Variants in TESMIN observed in about 807,000 individuals in gnomAD.
TESMIN encodes the protein testis expressed metallothionein like protein.
A neutral mutation model predicts 47.4 loss-of-function variants in TESMIN; 34 were observed. That is an observed-to-expected ratio of 0.72 (90% CI 0.55 to 0.96). TESMIN has a LOEUF of 0.96. Ranked by LOEUF, TESMIN falls within the 40% of genes least tolerant of loss-of-function variation. The probability of loss-of-function intolerance (pLI) is 0.00; values close to 1 mark genes in which losing one functional copy is unlikely to be tolerated. For synonymous variants in TESMIN, 278 were observed against 258.9 expected (o/e 1.07, Z -0.71); for missense variants, 610 against 637.2 (o/e 0.96, Z 0.46).
At position 68,715,918 on chromosome 11, in the gene TESMIN, A is replaced by T; in HGVS notation, c.939T>A (p.Ser313Arg). 6.2e-7 allele frequency: 1 copy of T among 1,612,506 alleles called. No individual in the cohort carries two copies. Among genetic ancestry groups the T allele is most frequent in the Non-Finnish European group, 8.5e-7 (1 of 1,178,578 alleles). ...TLAGYCDCFA[S>R]GDFCNNCNCN... ...AATTGCAGTTGTTGCAAAAGTCCCC[A>T]CTGGCAAAGCAGTCACAGTACCTGT... The change falls in exon 7 of 10, where the codon AGT (serine) becomes AGA (arginine). Residue 313 changes from serine to arginine, a missense_variant. Ser to Arg is a moderately radical substitution (Grantham distance 110). Coordinates refer to ENST00000255087, the MANE Select transcript of TESMIN (RefSeq NM_004923.3).
chr11:68,708,441 G>A lies in TESMIN; in HGVS notation c.1394C>T (p.Ala465Val), dbSNP rs1946022486. Residue 465 changes from alanine to valine, a missense_variant, in exon 10 of 10, where the codon GCT becomes GTT. Ala to Val is a moderately conservative substitution (Grantham distance 64). Transcript: ENST00000255087. ...VVEATCACLLAQGEEAEKEHC... is the reference protein window; with the variant it reads ...VVEATCACLLVQGEEAEKEHC... Reference sequence around the variant, plus strand: ...TTCTTTCTCGGCCTCTTCTCCCTGAGCAAGCAGGCAGGCGCATGTGGCCTC... The same window carrying A: ...TTCTTTCTCGGCCTCTTCTCCCTGAACAAGCAGGCAGGCGCATGTGGCCTC... The A allele has an allele frequency of 3.1e-6, 5 of 1,614,132 alleles. No individual in the cohort carries two copies. The highest frequency in any genetic ancestry group is 2.2e-5 in the East Asian group (1 of 44,884).
chr11:68,721,890 G>T (rs1422582609), intron 6 of TESMIN, among the ~76,000 whole-genome samples: 1 of 152,192 alleles, frequency 6.6e-6, no homozygotes, highest in Non-Finnish European at 1.5e-5. Context: ...CCTAGTGGGG[G>T]TATAAAATGG....
chr11:68,730,381 T>A (rs1393001540), intron 6 of TESMIN, among the ~76,000 whole-genome samples: 1 of 152,246 alleles, frequency 6.6e-6, no homozygotes, highest in Non-Finnish European at 1.5e-5. Context: ...TTACGTTAAA[T>A]TTTTAAGTTG....
chr11:68,714,875 T>A (rs1454265384), intron 7 of TESMIN, among the ~76,000 whole-genome samples: 1 of 152,230 alleles, frequency 6.6e-6, no homozygotes, highest in Non-Finnish European at 1.5e-5. Flanking sequence ...TATATGCCTA[T>A]CAGCAATGTA....
At position 68,708,249 on chromosome 11, in the gene TESMIN, T is replaced by G; in HGVS notation, c.*59A>C. The G allele has an allele frequency of 6.7e-7, 1 of 1,487,794 alleles. No individual in the cohort carries two copies. Among genetic ancestry groups the G allele is most frequent in the Non-Finnish European group, 9.1e-7 (1 of 1,101,198 alleles). 92.2% of individuals were successfully genotyped at this position (1,487,794 alleles called of 1,614,324 possible). Reference sequence around the variant, plus strand: ...CAGCCTCATGTTCCCCTAAACATCCTTTCTAAACTAGAGATTTCTAGACTA... The same window carrying G: ...CAGCCTCATGTTCCCCTAAACATCCGTTCTAAACTAGAGATTTCTAGACTA... On this transcript the variant is annotated 3_prime_UTR_variant, in exon 10 of 10. Coordinates refer to ENST00000255087, the MANE Select transcript of TESMIN (RefSeq NM_004923.3).
downstream of TESMIN, among the ~76,000 whole-genome samples, chr11:68,705,911 T>C (rs1227212417): frequency 6.7e-6 from 1 of 150,072 alleles, no homozygotes; most frequent in Non-Finnish European, 1.5e-5. Context: ...TAATCTCAGC[T>C]ACTCAGGAGG....
intron 7 of TESMIN, among the ~76,000 whole-genome samples, chr11:68,714,868 A>G (rs1946117701): frequency 6.6e-6 from 1 of 152,194 alleles, no homozygotes; most frequent in Non-Finnish European, 1.5e-5. Context: ...GCCCCTTTAT[A>G]TGCCTATCAG....
At chr11:68,727,797 C>A (rs1946282429) in intron 6 of TESMIN, among the ~76,000 whole-genome samples, 1 of 152,182 alleles carries the variant, frequency 6.6e-6, no homozygotes, top group Non-Finnish European at 1.5e-5. Context: ...ATGTTTCAAA[C>A]CTTTTCATTA....
intron 9 of TESMIN, 24 bp downstream of exon 9, chr11:68,710,849 GC>G: frequency 6.3e-7 from 1 of 1,580,798 alleles, no homozygotes; most frequent in Non-Finnish European, 8.6e-7. Context: ...CCCTCTATTA[GC>G]AGAGGTTAGT....
intron 3 of TESMIN, among the ~76,000 whole-genome samples, chr11:68,746,612 T>A (rs988061949): frequency 6.6e-6 from 1 of 152,172 alleles, no homozygotes; most frequent in African/African-American, 2.4e-5. Context: ...CCATTCCTAG[T>A]CCTTGCCACG....
downstream of TESMIN, among the ~76,000 whole-genome samples, chr11:68,706,935 C>T (rs1257687766): frequency 6.6e-6 from 1 of 152,192 alleles, no homozygotes; most frequent in Non-Finnish European, 1.5e-5. Flanking sequence ...CACCTTCCAG[C>T]TCCCAAGGGT....
At chr11:68,711,868 G>A (rs1946077157) in intron 8 of TESMIN, among the ~76,000 whole-genome samples, 1 of 152,222 alleles carries the variant, frequency 6.6e-6, no homozygotes, top group South Asian at 2.1e-4. Context: ...TCTGTACCCA[G>A]CAAGCCCCCT....
Position 68,707,496 on chromosome 11 carries a change from A to C in TESMIN, c.*812T>G, listed in dbSNP as rs1946010180. On this transcript the variant is annotated 3_prime_UTR_variant, in exon 10 of 10. Transcript: ENST00000255087. The stretch of plus-strand genomic sequence containing the variant: ...GCTTTACAACAGAACCAAAAGCGTC[A>C]ACTTAAGAATTCATTTTACCTGCTG... The C allele has an allele frequency of 5.5e-6, 1 of 182,378 alleles. No homozygotes were observed. The highest frequency in any genetic ancestry group is 1.2e-4 in the South Asian group (1 of 8,204). 11.3% of individuals were successfully genotyped at this position (182,378 alleles called of 1,614,324 possible). A position where few individuals can be genotyped will look rare whatever the true frequency, so the allele number is the denominator to read the frequency against.
chr11:68,738,517 CCA>C, intron 6 of TESMIN, 181 bp downstream of exon 6: 2 of 1,386,322 alleles, frequency 1.4e-6, no homozygotes, highest in African/African-American at 2.9e-5. Context: ...CTTTGCAGCC[CCA>C]GTGAAACCAG....
intron 6 of TESMIN, among the ~76,000 whole-genome samples, chr11:68,723,650 T>C (rs1009080559): frequency 6.6e-6 from 1 of 151,786 alleles, no homozygotes; most frequent in African/African-American, 2.4e-5. Context: ...GCTGACAAAA[T>C]AGACAACCTC....
Position 68,750,322 on chromosome 11 carries a change from C to T in TESMIN, c.339G>A (p.Gln113=), listed in dbSNP as rs1946576198. ...LSALEDVALL[Q]APQPPACNVH... is the part of the protein sequence containing the mutation. ...CGTTGCAGGCGGGCGGCTGCGGGGC[C>T]TGCAGGAGCGCGACGTCCTCCAGCG... Residue 113 remains glutamine (Q), a synonymous_variant, in exon 2 of 10, where the codon CAG becomes CAA. Coordinates refer to ENST00000255087, the MANE Select transcript of TESMIN (RefSeq NM_004923.3). 6.6e-7 allele frequency: 1 copy of T among 1,512,852 alleles called. No individual in the cohort carries two copies. The highest frequency in any genetic ancestry group is 2.4e-5 in the East Asian group (1 of 41,094). 93.7% of individuals were successfully genotyped at this position (1,512,852 alleles called of 1,614,324 possible).
At chr11:68,750,801 G>T in intron 1 of TESMIN, 102 bp from the exon 2 acceptor site, 1 of 105,558 alleles carries the variant, frequency 9.5e-6, no homozygotes, top group Non-Finnish European at 1.7e-5. Flanking sequence ...GGGAGGGGCG[G>T]CCAGGGGAGG....
At chr11:68,715,344 T>C (rs1404369655) in intron 7 of TESMIN, among the ~76,000 whole-genome samples, 2 of 152,210 alleles carry the variant, frequency 1.3e-5, no homozygotes, top group African/African-American at 2.4e-5. Context: ...ACCTTTTGCG[T>C]CTCTGGGAAA....
At chr11:68,715,750 A>G (rs1946129201) in intron 7 of TESMIN, 87 bp downstream of exon 7, 1 of 974,136 alleles carries the variant, frequency 1.0e-6, no homozygotes, top group Non-Finnish European at 1.5e-6. Flanking sequence ...GTTTTTTCCA[A>G]TGAGGAATCT....
Sources: gnomAD v4.1 joint callset for allele counts (sites outside exome capture counted in the v4.1 genomes callset) on GRCh38, gnomAD v4.1.1 for gene constraint, MANE v1.5 for transcripts, NCBI Gene and HGNC (gene_info 2026-07-23, HGNC 2026-07-21) for gene names.